The following PALS2 variants were observed in gnomAD, a reference collection of about 807,000 sequenced individuals.
PALS2 encodes the protein protein associated with LIN7 2, MAGUK p55 family member.
Under a neutral mutation model 61.6 loss-of-function variants are expected in PALS2, and 27 were observed. That is an observed-to-expected ratio of 0.44 (90% CI 0.32 to 0.60). The LOEUF (loss-of-function observed/expected upper bound fraction) is 0.60, where lower values mean the gene tolerates loss of function less well. PALS2 is among the 20% of genes least tolerant of loss of function. The pLI is 0.05. For missense variants in PALS2, 554 were observed against 639.4 expected (o/e 0.87, Z 1.44); for synonymous variants, 236 against 218.6 (o/e 1.08, Z -0.70).
intron 1 of PALS2, among the ~76,000 whole-genome samples, chr7:24,610,114 A>G (rs1784061546): frequency 1.3e-5 from 2 of 152,266 alleles, no homozygotes; most frequent in South Asian, 2.1e-4. Flanking sequence ...CCACAATACT[A>G]ATAATGCAGT....
chr7:24,655,819 C>G (rs2128081932), intron 5 of PALS2, among the ~76,000 whole-genome samples: 2 of 151,704 alleles, frequency 1.3e-5, no homozygotes, highest in Middle Eastern at 6.8e-3. Flanking sequence ...TGCCACCATG[C>G]CTGGCTAATT....
intron 6 of PALS2, among the ~76,000 whole-genome samples, chr7:24,664,630 T>G (rs1221399885): frequency 1.3e-5 from 2 of 152,152 alleles, no homozygotes; most frequent in African/African-American, 4.8e-5. Flanking sequence ...CAATCTTACT[T>G]ATGTGTCCTT....
At chr7:24,668,276 C>G (rs1411116173) in intron 8 of PALS2, among the ~76,000 whole-genome samples, 1 of 152,108 alleles carries the variant, frequency 6.6e-6, no homozygotes, top group African/African-American at 2.4e-5. Flanking sequence ...CACCACTATA[C>G]TCTACCCTGG....
At chr7:24,667,864 C>T (rs753683746) in intron 8 of PALS2, among the ~76,000 whole-genome samples, 1 of 151,822 alleles carries the variant, frequency 6.6e-6, no homozygotes, top group Non-Finnish European at 1.5e-5. Flanking sequence ...GACGAGGTTT[C>T]ACCATGTTGG....
At chr7:24,633,403 G>T (rs1785093342) in intron 2 of PALS2, among the ~76,000 whole-genome samples, 4 of 109,810 alleles carry the variant, frequency 3.6e-5, no homozygotes, top group Admixed American at 1.1e-4. Flanking sequence ...TCTATTCTCT[G>T]CTTGCATGTT....
At position 24,596,822 on chromosome 7, in the gene PALS2, A is replaced by T. The variant is rs1783542740; in HGVS notation, c.-3+23229A>T. Among the ~76,000 whole-genome samples the T allele has an allele frequency of 6.6e-6, 1 of 152,138 alleles. No individual in the cohort carries two copies. Among genetic ancestry groups the T allele is most frequent in the Non-Finnish European group, 1.5e-5 (1 of 68,034 alleles). On this transcript the variant is annotated intron_variant, in intron 1 of 11. Coordinates refer to ENST00000222644, the MANE Select transcript of PALS2 (RefSeq NM_001303037.2). This position sits in a 1 kb window ranked among gnomAD's most constrained non-coding sequence, Gnocchi z 4.5. The stretch of plus-strand genomic sequence containing the variant: ...GGACTGTGGTGGGGAGAGATTGGGG[A>T]TTAGTATACCAGTTAAGAGGCTTTT...
At chr7:24,575,876 A>G (rs976935463) in intron 1 of PALS2, among the ~76,000 whole-genome samples, 4 of 152,236 alleles carry the variant, frequency 2.6e-5, no homozygotes, top group African/African-American at 9.6e-5. Context: ...GACTTTTGAA[A>G]AAGAGTATCT....
At chr7:24,655,631 T>A (rs1786374016) in intron 5 of PALS2, among the ~76,000 whole-genome samples, 1 of 26,676 alleles carries the variant, frequency 3.7e-5, no homozygotes, top group African/African-American at 2.8e-4. Flanking sequence ...AGTTAGTAGA[T>A]TTTTTTTTTT....
chr7:24,617,425 T>C (rs1784331979), intron 1 of PALS2, among the ~76,000 whole-genome samples: 1 of 152,252 alleles, frequency 6.6e-6, no homozygotes, highest in Non-Finnish European at 1.5e-5. Flanking sequence ...TGTATTCCTT[T>C]GGAAGTGTCA....
At chr7:24,638,867 T>C (rs528770263) in intron 2 of PALS2, among the ~76,000 whole-genome samples, 164 of 152,346 alleles carry the variant, frequency 1.1e-3, no homozygotes, top group African/African-American at 3.8e-3. Flanking sequence ...TTCAAGTCAT[T>C]GATCATTTCT....
intron 1 of PALS2, among the ~76,000 whole-genome samples, chr7:24,607,718 C>T (rs1333730404): frequency 6.6e-6 from 1 of 151,376 alleles, no homozygotes; most frequent in African/African-American, 2.4e-5. Context: ...TGCTGATTGC[C>T]ACACTAATTA....
intron 2 of PALS2, among the ~76,000 whole-genome samples, chr7:24,628,125 A>C (rs1784830510): frequency 6.6e-6 from 1 of 152,244 alleles, no homozygotes; most frequent in Admixed American, 6.5e-5. Context: ...TCAATAAAAT[A>C]CTGGCAAACC....
chr7:24,654,210 TA>T (rs766083632), intron 5 of PALS2, among the ~76,000 whole-genome samples: 10,555 of 139,882 alleles, frequency 0.075, 427 homozygotes, highest in African/African-American at 0.12. Flanking sequence ...TTTGCCTAGT[TA>T]AAAAAAAAAA....
chr7:24,591,844 T>A (rs892735406), intron 1 of PALS2, among the ~76,000 whole-genome samples: 5 of 152,254 alleles, frequency 3.3e-5, no homozygotes, highest in Admixed American at 2.6e-4. Flanking sequence ...CCATATCTTA[T>A]GCCTGAACAA....
At chr7:24,649,857 T>G in intron 4 of PALS2, 93 bp downstream of exon 4, 1 of 1,220,952 alleles carries the variant, frequency 8.2e-7, no homozygotes, top group African/African-American at 1.6e-5. Context: ...TTCCTTTTCA[T>G]AATGTTATGA....
chr7:24,645,997 G>GGAAT, intron 3 of PALS2, among the ~76,000 whole-genome samples: 1 of 152,118 alleles, frequency 6.6e-6, no homozygotes, highest in African/African-American at 2.4e-5. Context: ...TCATTCGGAA[G>GGAAT]GATACAAAGG....
intron 1 of PALS2, among the ~76,000 whole-genome samples, chr7:24,607,038 T>C (rs1783926246): frequency 1.3e-5 from 2 of 152,130 alleles, no homozygotes; most frequent in Admixed American, 1.3e-4. Flanking sequence ...GTCCTGTTGG[T>C]GCGCAAGAAA....
intron 3 of PALS2, among the ~76,000 whole-genome samples, chr7:24,644,095 C>CT (rs59645237): frequency 0.14 from 18,884 of 134,186 alleles, 1,533 homozygotes; most frequent in East Asian, 0.48. Flanking sequence ...TTTCTTTTTT[C>CT]TTTTTTTTTT....
chr7:24,611,562 A>G (rs1257125126), intron 1 of PALS2, among the ~76,000 whole-genome samples: 1 of 152,048 alleles, frequency 6.6e-6, no homozygotes, highest in Non-Finnish European at 1.5e-5. Context: ...TTCTGCACTC[A>G]TAAAACTTAG....
Sources: allele counts gnomAD v4.1 joint callset (sites outside exome capture counted in the v4.1 genomes callset), GRCh38; gene constraint gnomAD v4.1.1; non-coding constraint Gnocchi (gnomAD v3.1); transcripts MANE v1.5; gene names NCBI Gene and HGNC (gene_info 2026-07-23, HGNC 2026-07-21).